The following PIBF1 variants were observed in gnomAD, a reference collection of about 807,000 sequenced individuals.
PIBF1 encodes progesterone immunomodulatory binding factor 1, also known as progesterone-induced-blocking factor 1.
A neutral mutation model predicts 112.5 loss-of-function variants in PIBF1; 90 were observed. The ratio of observed to expected loss-of-function variants is 0.80; its 90% CI spans 0.67 to 0.95. PIBF1 has a LOEUF of 0.95. Ranked by LOEUF, PIBF1 falls within the 40% of genes least tolerant of loss-of-function variation. The probability of loss-of-function intolerance (pLI) is 0.00; values close to 1 mark genes in which losing one functional copy is unlikely to be tolerated. For missense variants in PIBF1, 915 were observed against 852.3 expected (o/e 1.07, Z -0.92); for synonymous variants, 301 against 288.6 (o/e 1.04, Z -0.44).
intron 10 of PIBF1, among the ~76,000 whole-genome samples, chr13:72,877,753 C>CTTTT (rs569331110): frequency 7.1e-6 from 1 of 139,992 alleles, no homozygotes; most frequent in Non-Finnish European, 1.6e-5. Context: ...CTTTTCTTTT[C>CTTTT]TTTTTTTTTT....
rs67195605 is a variant in PIBF1 at position 72,985,371 on chromosome 13, C to CAAAAAAAAAAAA, written c.2049+11707_2049+11718dup. Among the ~76,000 whole-genome samples, 43 of 76,100 alleles carry CAAAAAAAAAAAA rather than the reference C, an allele frequency of 5.7e-4. 1 individual carries two copies. The highest frequency in any genetic ancestry group is 7.4e-4 in the Non-Finnish European group (32 of 43,200). 49.9% of individuals were successfully genotyped at this position (76,100 alleles called of 152,430 possible). A position where few individuals can be genotyped will look rare whatever the true frequency, so the allele number is the denominator to read the frequency against. ...TGAAACCCTGTCTCTACTAAAAATA[C>CAAAAAAAAAAAA]AAAAAAAAAAAAAAAAAAAAAAGCC... On this transcript the variant is annotated intron_variant, in intron 16 of 17. Coordinates refer to ENST00000326291, the MANE Select transcript of PIBF1 (RefSeq NM_006346.4).
chr13:72,992,641 GATAAAAAA>G (rs1316951218), intron 16 of PIBF1, among the ~76,000 whole-genome samples: 2 of 151,834 alleles, frequency 1.3e-5, no homozygotes, highest in Non-Finnish European at 2.9e-5. Flanking sequence ...AAAAATGAAA[GATAAAAAA>G]ATAAAAAAAT....
intron 2 of PIBF1, among the ~76,000 whole-genome samples, chr13:72,784,615 C>G (rs2034494532): frequency 6.6e-6 from 1 of 151,752 alleles, no homozygotes; most frequent in African/African-American, 2.4e-5. Flanking sequence ...TAAAATAGCC[C>G]CGCGTAGTGG....
intron 8 of PIBF1, among the ~76,000 whole-genome samples, chr13:72,828,874 G>T (rs1056437793): frequency 6.6e-6 from 1 of 152,140 alleles, no homozygotes; most frequent in Non-Finnish European, 1.5e-5. Context: ...CTTCCACAAT[G>T]GTTGAACTAA....
intron 10 of PIBF1, among the ~76,000 whole-genome samples, chr13:72,876,821 G>A (rs2039429502): frequency 6.6e-6 from 1 of 152,074 alleles, no homozygotes; most frequent in South Asian, 2.1e-4. Flanking sequence ...GTAGTTTTCA[G>A]CCAATTCTTT....
rs767534933 is a variant in PIBF1 at position 72,893,808 on chromosome 13, A to G, written c.1347A>G (p.Thr449=). Residue 449 remains threonine, a synonymous_variant, in exon 11 of 18, where the codon ACA becomes ACG. Transcript: ENST00000326291. The stretch of plus-strand genomic sequence containing the variant: ...GGTACAGAGAACTACAACTTAGTAC[A>G]GAAAGCAAAGTAACAGAATTTCTCC... ...LDRYRELQLS[T]ESKVTEFLHQ... is the part of the protein sequence containing the mutation. The G allele has an allele frequency of 6.2e-7, 1 of 1,600,924 alleles. No individual in the cohort carries two copies. The highest frequency in any genetic ancestry group is 8.5e-7 in the Non-Finnish European group (1 of 1,173,466).
intron 9 of PIBF1, among the ~76,000 whole-genome samples, chr13:72,852,336 C>G (rs2038200637): frequency 1.3e-5 from 2 of 152,336 alleles, no homozygotes; most frequent in South Asian, 2.1e-4. Context: ...TTCAGTATGC[C>G]TGTCCAGTCG....
intron 6 of PIBF1, among the ~76,000 whole-genome samples, chr13:72,824,247 C>T (rs1168183443): frequency 6.6e-6 from 1 of 151,076 alleles, no homozygotes; most frequent in Non-Finnish European, 1.5e-5. Context: ...GAACTCCTGA[C>T]CTCAGGTGAT....
At chr13:72,855,330 A>G (rs1270964607) in intron 10 of PIBF1, among the ~76,000 whole-genome samples, 1 of 152,202 alleles carries the variant, frequency 6.6e-6, no homozygotes, top group Non-Finnish European at 1.5e-5. Flanking sequence ...ATTTTAATAA[A>G]TGTTATATTG....
intron 10 of PIBF1, among the ~76,000 whole-genome samples, chr13:72,873,438 G>C (rs1287166850): frequency 6.6e-6 from 1 of 151,860 alleles, no homozygotes; most frequent in Non-Finnish European, 1.5e-5. Context: ...TGCTCTTGTT[G>C]CCCAGGCTGG....
intron 13 of PIBF1, among the ~76,000 whole-genome samples, chr13:72,926,447 C>T (rs909214111): frequency 6.6e-6 from 1 of 152,130 alleles, no homozygotes; most frequent in African/African-American, 2.4e-5. Context: ...TTGCACATAA[C>T]TACTTTTAAA....
At chr13:72,911,883 A>G (rs891965507) in intron 12 of PIBF1, among the ~76,000 whole-genome samples, 3 of 152,044 alleles carry the variant, frequency 2.0e-5, no homozygotes. Context: ...TAATTCCAAC[A>G]CTTTGGGAGG....
intron 9 of PIBF1, among the ~76,000 whole-genome samples, chr13:72,850,818 A>G (rs1305793654): frequency 6.6e-6 from 1 of 152,196 alleles, no homozygotes; most frequent in Non-Finnish European, 1.5e-5. Flanking sequence ...AGAATAGAAT[A>G]TTTTTGAAGG....
chr13:72,966,587 C>T (rs149366327), intron 15 of PIBF1, among the ~76,000 whole-genome samples: 64 of 152,204 alleles, frequency 4.2e-4, no homozygotes, highest in African/African-American at 1.4e-3. Context: ...GAATTTTTTC[C>T]TCCTATGTTA....
chr13:72,995,317 A>AT (rs1487570510), intron 16 of PIBF1, among the ~76,000 whole-genome samples: 2 of 151,612 alleles, frequency 1.3e-5, no homozygotes, highest in Non-Finnish European at 2.9e-5. Flanking sequence ...AAAAAAAAAA[A>AT]GTTCTTTCTA....
In PIBF1 at chr13:72,915,721, C is replaced by T. The variant is rs531714884; in HGVS notation, c.1640-1355C>T. ...GGCATGTATCATCTCTTCCATGTGT[C>T]TCTCTCAACTAATAATTCTTCCTCA... is the stretch of plus-strand genomic sequence containing the variant. On this transcript the variant is annotated intron_variant, in intron 12 of 17. Transcript: ENST00000326291. Among the ~76,000 whole-genome samples the T allele has an allele frequency of 3.9e-5, 6 of 152,092 alleles. No individual in the cohort carries two copies. In the South Asian group the frequency reaches 1.0e-3, roughly 26 times the overall value.
rs1445760340 is a variant in PIBF1, at chr13:72,826,994, AATTTT to A, written c.807-9_807-5del. 1 of 1,502,572 alleles carries A rather than the reference AATTTT, an allele frequency of 6.7e-7. No individual in the cohort carries two copies. Among genetic ancestry groups the A allele is most frequent in the African/African-American group, 1.4e-5 (1 of 71,176 alleles). The allele number at this position is 1,502,572 out of a possible 1,614,324, so 93.1% of individuals were successfully genotyped here. A position where few individuals can be genotyped will look rare whatever the true frequency, so the allele number is the denominator to read the frequency against. The stretch of plus-strand genomic sequence containing the variant: ...GATGTAAAATTTACATGTCTCTTTG[AATTTT>A]ATTTTAACAGTGAACGTGATGCACT... On this transcript the variant is annotated splice_polypyrimidine_tract_variant and intron_variant, in intron 6 of 17. Transcript: ENST00000326291.
chr13:72,909,418 CATTA>C (rs1431139690), intron 12 of PIBF1, among the ~76,000 whole-genome samples: 3 of 151,544 alleles, frequency 2.0e-5, no homozygotes, highest in African/African-American at 7.3e-5. Flanking sequence ...CAAAAGAGAT[CATTA>C]ATTAATCCCA....
intron 16 of PIBF1, among the ~76,000 whole-genome samples, chr13:72,996,455 TGTGTC>T (rs1413599354): frequency 6.6e-6 from 1 of 152,144 alleles, no homozygotes; most frequent in Non-Finnish European, 1.5e-5. Flanking sequence ...CAAGAATAGA[TGTGTC>T]GTTTGCTAAT....
Sources: allele counts gnomAD v4.1 joint callset (sites outside exome capture counted in the v4.1 genomes callset), GRCh38; gene constraint gnomAD v4.1.1; transcripts MANE v1.5; gene names NCBI Gene and HGNC (gene_info 2026-07-23, HGNC 2026-07-21).